DIS3L2: variants seen among roughly 807,000 people sequenced by gnomAD.
DIS3L2 encodes the protein DIS3-like exonuclease 2.
Under a neutral mutation model 97.5 loss-of-function variants are expected in DIS3L2, and 34 were observed. That is an observed-to-expected ratio of 0.35 (90% confidence interval 0.27 to 0.46). The LOEUF is 0.46. Among genes scored for constraint, DIS3L2 ranks in the 20% least tolerant of loss-of-function variants. DIS3L2 has a pLI of 1.00. For synonymous variants in DIS3L2, 435 were observed against 445.2 expected, an observed-to-expected ratio of 0.98 and a Z score of 0.29; for missense variants, 1,038 against 1,146.0, an observed-to-expected ratio of 0.91 and a Z score of 1.36.
At chr2:232,278,307 A>AC (rs975133006) in intron 13 of DIS3L2, among the ~76,000 whole-genome samples, 5 of 151,614 alleles carry the variant, frequency 3.3e-5, no homozygotes, top group African/African-American at 1.2e-4. Context: ...AGCTAAAAGC[A>AC]CTTTTTTCCC....
chr2:232,198,900 G>C (rs1486688094), intron 9 of DIS3L2: 1 of 152,164 alleles, frequency 6.6e-6, no homozygotes, highest in African/African-American at 2.4e-5. Flanking sequence ...AGCCTACCCT[G>C]TATATCCTAT....
chr2:232,159,875 A>G (rs567605815), intron 8 of DIS3L2, among the ~76,000 whole-genome samples: 13 of 152,256 alleles, frequency 8.5e-5, no homozygotes, highest in African/African-American at 2.9e-4. Context: ...TGAGATGATT[A>G]TATGTGTTTG....
chr2:232,316,651 C>G lies in DIS3L2; in HGVS notation c.1740-13162C>G, dbSNP rs546278074. 7.9e-5 allele frequency among the ~76,000 whole-genome samples: 12 copies of G among 152,380 alleles called. No homozygotes were observed. The South Asian group carries it at 2.3e-3, about 29-fold the overall frequency. On this transcript the variant is annotated intron_variant, in intron 14 of 20. Transcript: ENST00000325385. Reference sequence around the variant, plus strand: ...CACACTTGGGTTCCCGGCCCCACCTCTGCGCTGGCTGCCCACAGGCCCTGC... The same window carrying G: ...CACACTTGGGTTCCCGGCCCCACCTGTGCGCTGGCTGCCCACAGGCCCTGC...
chr2:232,091,024 CT>C (rs1696821752), intron 6 of DIS3L2, among the ~76,000 whole-genome samples: 3 of 152,318 alleles, frequency 2.0e-5, no homozygotes, highest in East Asian at 3.9e-4. Flanking sequence ...TCCCCAGCCC[CT>C]GAGAGAGAGT....
intron 6 of DIS3L2, among the ~76,000 whole-genome samples, chr2:232,127,685 A>C (rs540646031): frequency 6.6e-6 from 1 of 152,166 alleles, no homozygotes; most frequent in East Asian, 1.9e-4. Flanking sequence ...TCTACCTCTC[A>C]TTCTCATCTC....
At chr2:232,300,211 G>T (rs1489406825) in intron 14 of DIS3L2, 92 bp downstream of exon 14, 2 of 1,254,136 alleles carry the variant, frequency 1.6e-6, no homozygotes, top group Non-Finnish European at 2.3e-6. Context: ...TTGCTAAGTG[G>T]TTGTCAGGAA....
chr2:232,168,829 T>C (rs1215282631), intron 9 of DIS3L2, among the ~76,000 whole-genome samples: 1 of 152,224 alleles, frequency 6.6e-6, no homozygotes, highest in Non-Finnish European at 1.5e-5. Context: ...CATGCAGTAC[T>C]GTACAGCAGT....
intron 2 of DIS3L2, 68 bp from the exon 3 acceptor site, chr2:232,015,446 T>TA (rs1047133422): frequency 6.4e-7 from 1 of 1,561,800 alleles, no homozygotes; most frequent in African/African-American, 1.4e-5. Context: ...TAAAAAGGTA[T>TA]AATATCTCCA....
chr2:232,005,716 A>T (rs540954899), intron 1 of DIS3L2, among the ~76,000 whole-genome samples: 2 of 152,180 alleles, frequency 1.3e-5, no homozygotes, highest in Non-Finnish European at 2.9e-5. Flanking sequence ...TATAATTGTT[A>T]ACCCAATTTG....
Position 231,966,641 on chromosome 2 carries a change from ATTTTTTTTTT to A in DIS3L2, c.-94+4901_-94+4910del, listed in dbSNP as rs36151054. On this transcript the variant is annotated intron_variant, in intron 1 of 20. Coordinates refer to ENST00000325385, the MANE Select transcript of DIS3L2 (RefSeq NM_152383.5). ...CACCATGCCCAGCTAGTTAAAAAAC[ATTTTTTTTTT>A]TTTTTTTTTTTTTTTTTTTTTTTTG... 9.9e-4 allele frequency among the ~76,000 whole-genome samples: 50 copies of A among 50,400 alleles called. No homozygotes were observed. The East Asian group carries it at 0.018, about 18-fold the overall frequency. The allele number at this position is 50,400 out of a possible 152,430, so 33.1% of individuals were successfully genotyped here.
intron 8 of DIS3L2, among the ~76,000 whole-genome samples, chr2:232,144,080 A>G (rs147100536): frequency 0.013 from 2,050 of 152,212 alleles, 23 homozygotes; most frequent in Middle Eastern, 0.027. Context: ...GAAATATACC[A>G]TAATTTAGCA....
At position 232,268,951 on chromosome 2, in the gene DIS3L2, T is replaced by C. The variant is rs1559184125; in HGVS notation, c.1659+5511T>C. 6.6e-6 allele frequency among the ~76,000 whole-genome samples: 1 copy of C among 152,220 alleles called. No individual in the cohort carries two copies. Among genetic ancestry groups the C allele is most frequent in the Non-Finnish European group, 1.5e-5 (1 of 68,040 alleles). On this transcript the variant is annotated intron_variant, in intron 13 of 20. Transcript: ENST00000325385. The surrounding 1 kb of genome is among the most constrained non-coding windows in gnomAD (Gnocchi z 4.1). ...CAATGGGAGGTGGGGAGTAGAGGAATGAATCAGTTTAGCATCAGTTCCCTT... is the reference window on the plus strand; with the variant it reads ...CAATGGGAGGTGGGGAGTAGAGGAACGAATCAGTTTAGCATCAGTTCCCTT...
intron 10 of DIS3L2, among the ~76,000 whole-genome samples, chr2:232,224,030 C>T (rs545759529): frequency 1.3e-5 from 2 of 152,264 alleles, no homozygotes; most frequent in South Asian, 2.1e-4. Flanking sequence ...GTCAAGGCTG[C>T]GGTGAGCCAT....
intron 12 of DIS3L2, among the ~76,000 whole-genome samples, chr2:232,261,107 C>T (rs1693701076): frequency 6.6e-6 from 1 of 152,204 alleles, no homozygotes. Context: ...TCCACCTAGC[C>T]TCCTTTGTAC....
intron 6 of DIS3L2, among the ~76,000 whole-genome samples, chr2:232,119,046 T>C (rs1480186270): frequency 6.6e-6 from 1 of 152,218 alleles, no homozygotes; most frequent in Admixed American, 6.5e-5. Context: ...CTTGGGGAAG[T>C]AGCATTTTAA....
chr2:232,234,834 C>T (rs1035271524), intron 10 of DIS3L2, among the ~76,000 whole-genome samples: 1 of 152,190 alleles, frequency 6.6e-6, no homozygotes, highest in African/African-American at 2.4e-5. Flanking sequence ...CTAGTGCGGG[C>T]ATAAACTAGA....
chr2:232,015,819 G>A, intron 3 of DIS3L2, 148 bp downstream of exon 3: 1 of 802,510 alleles, frequency 1.2e-6, no homozygotes, highest in Non-Finnish European at 1.9e-6. Context: ...CAGAGATGAT[G>A]AGGTAACAGA....
chr2:232,059,304 A>G (rs1695637191), intron 5 of DIS3L2, among the ~76,000 whole-genome samples: 5 of 152,154 alleles, frequency 3.3e-5, no homozygotes, highest in Admixed American at 2.6e-4. Context: ...AACAATATGA[A>G]ATTTGTATTC....
At chr2:232,149,655 A>C (rs1324792809) in intron 8 of DIS3L2, among the ~76,000 whole-genome samples, 2 of 69,964 alleles carry the variant, frequency 2.9e-5, no homozygotes, top group East Asian at 3.6e-4. Context: ...CGCAATAAAC[A>C]TACGTGTGCA....
Sources: allele counts gnomAD v4.1 joint callset (sites outside exome capture counted in the v4.1 genomes callset), GRCh38; gene constraint gnomAD v4.1.1; non-coding constraint Gnocchi (gnomAD v3.1); transcripts MANE v1.5; gene names NCBI Gene and HGNC (gene_info 2026-07-23, HGNC 2026-07-21).